Variants in P4HA1 observed in about 807,000 individuals in gnomAD.
P4HA1 encodes prolyl 4-hydroxylase subunit alpha 1, also known as prolyl 4-hydroxylase subunit alpha-1.
A neutral mutation model predicts 72.8 loss-of-function variants in P4HA1; 24 were observed. That is an observed-to-expected ratio of 0.33 (90% CI 0.24 to 0.46). The LOEUF (loss-of-function observed/expected upper bound fraction) is 0.46, where lower values mean the gene tolerates loss of function less well. Ranked by LOEUF, P4HA1 falls within the 20% of genes least tolerant of loss-of-function variation. The probability of loss-of-function intolerance (pLI) is 1.00; values close to 1 mark genes in which losing one functional copy is unlikely to be tolerated. For missense variants in P4HA1, 446 were observed against 640.6 expected (o/e 0.70, Z 3.28); for synonymous variants, 201 against 218.8 (o/e 0.92, Z 0.72).
chr10:73,091,546 G>C (rs1332401181), intron 1 of P4HA1, among the ~76,000 whole-genome samples: 1 of 152,220 alleles, frequency 6.6e-6, no homozygotes, highest in Admixed American at 6.5e-5. Flanking sequence ...AACTGTAAGA[G>C]AAGTCTTGAG....
At chr10:73,029,747 T>C (rs549792915) in intron 10 of P4HA1, among the ~76,000 whole-genome samples, 1 of 152,202 alleles carries the variant, frequency 6.6e-6, no homozygotes, top group East Asian at 1.9e-4. Context: ...TACAGATATT[T>C]TGAGTCAAGT....
At chr10:73,043,856 A>G (rs775817517) in intron 9 of P4HA1, 1 of 1,484,660 alleles carries the variant, frequency 6.7e-7, no homozygotes, top group Non-Finnish European at 9.4e-7. Flanking sequence ...TGGTCCAAAT[A>G]TGACTAAAGT....
intron 9 of P4HA1, among the ~76,000 whole-genome samples, chr10:73,039,199 A>G (rs1213026834): frequency 1.3e-5 from 2 of 151,916 alleles, no homozygotes; most frequent in African/African-American, 4.8e-5. Flanking sequence ...TAGGAAGATC[A>G]CTTCTGCCCA....
chr10:73,020,493 T>C (rs899179888), intron 10 of P4HA1, among the ~76,000 whole-genome samples: 1 of 152,130 alleles, frequency 6.6e-6, no homozygotes, highest in African/African-American at 2.4e-5. Context: ...TTACCAGACA[T>C]ACAAAGAGCT....
intron 3 of P4HA1, 87 bp from the exon 4 acceptor site, chr10:73,072,267 G>T (rs1173373190): frequency 1.8e-6 from 2 of 1,097,126 alleles, no homozygotes; most frequent in East Asian, 2.4e-5. Context: ...AAAATGACTA[G>T]AAGTTTTTGA....
chr10:73,059,418 TATATTTAAAAAAAAAAAAAAAA>T (rs1361149863), intron 5 of P4HA1, among the ~76,000 whole-genome samples: 1 of 38,202 alleles, frequency 2.6e-5, no homozygotes, highest in African/African-American at 1.1e-4. Context: ...AATGAGACAA[TATATTTAAAAAAAAAAAAAAAA>T]AAAAAAAAAA....
At chr10:73,080,591 A>ATGT (rs1397835885) in intron 1 of P4HA1, among the ~76,000 whole-genome samples, 1 of 152,244 alleles carries the variant, frequency 6.6e-6, no homozygotes, top group Non-Finnish European at 1.5e-5. Flanking sequence ...TTTAAGTGAC[A>ATGT]TGTTAATAGC....
In P4HA1 at chr10:73,040,601, G is replaced by A. The variant is rs552464655; in HGVS notation, c.1148+4380C>T. 1.9e-3 allele frequency among the ~76,000 whole-genome samples: 286 copies of A among 150,872 alleles called. 2 individuals are homozygous for A. Among genetic ancestry groups the A allele is most frequent in the Admixed American group, 3.9e-3 (58 of 15,058 alleles). The stretch of plus-strand genomic sequence containing the variant: ...AGCCATTCTCCTGCCTCAGCCTCCC[G>A]AGTAGCTGGGATTACAGGCGCGCCA... On this transcript the variant is annotated intron_variant, in intron 9 of 14. Transcript: ENST00000394890.
intron 12 of P4HA1, among the ~76,000 whole-genome samples, chr10:73,011,568 G>A (rs1839909710): frequency 2.6e-5 from 4 of 151,952 alleles, no homozygotes; most frequent in Admixed American, 2.6e-4. Flanking sequence ...ATAAAAGTGA[G>A]AAAGTTAAAG....
At chr10:73,078,768 C>T (rs1432045900) in intron 1 of P4HA1, among the ~76,000 whole-genome samples, 3 of 151,876 alleles carry the variant, frequency 2.0e-5, no homozygotes, top group East Asian at 3.9e-4. Context: ...CCTGCCAACA[C>T]GCCCAGCTAA....
chr10:73,011,836 G>A, intron 12 of P4HA1, among the ~76,000 whole-genome samples: 1 of 151,802 alleles, frequency 6.6e-6, no homozygotes, highest in Admixed American at 6.6e-5. Flanking sequence ...TGCTATCCAA[G>A]GAAAACAGGA....
intron 1 of P4HA1, among the ~76,000 whole-genome samples, chr10:73,076,096 A>C (rs148448483): frequency 1.9e-3 from 296 of 152,254 alleles, no homozygotes; most frequent in African/African-American, 6.7e-3. Context: ...AATAAATAAA[A>C]TAAAATTGAC....
chr10:73,047,549 CAAAAAAA>C (rs1167975608), intron 7 of P4HA1, among the ~76,000 whole-genome samples: 682 of 59,126 alleles, frequency 0.012, 6 homozygotes, highest in East Asian at 0.032. Flanking sequence ...ATGCTTGTGG[CAAAAAAA>C]AAAAAAAAAA....
chr10:73,096,286 A>T (rs904112028), intron 1 of P4HA1, among the ~76,000 whole-genome samples: 1 of 152,158 alleles, frequency 6.6e-6, no homozygotes, highest in African/African-American at 2.4e-5. Context: ...CGCGCTGCGG[A>T]TCCAGCTCCA....
rs1841547380 is a variant in P4HA1 at position 73,071,020 on chromosome 10, A to T, written c.325+1009T>A. Among the ~76,000 whole-genome samples, 4 of 152,046 alleles carry T rather than the reference A, an allele frequency of 2.6e-5. No individual in the cohort carries two copies. The South Asian group carries it at 8.3e-4, about 32-fold the overall frequency. On this transcript the variant is annotated intron_variant, in intron 4 of 14. Transcript: ENST00000394890. ...AACATAGCAAGACCTTGTTTCTAAG[A>T]AAGAAAAATTTTTAAATTGGCCTGG... is the stretch of plus-strand genomic sequence containing the variant.
chr10:73,066,628 C>T (rs181997921), intron 5 of P4HA1, among the ~76,000 whole-genome samples: 35 of 152,150 alleles, frequency 2.3e-4, no homozygotes, highest in Non-Finnish European at 4.4e-4. Context: ...AGTGATCCTC[C>T]CGTGATATGG....
chr10:73,087,988 C>G (rs2133163358), intron 1 of P4HA1, among the ~76,000 whole-genome samples: 1 of 152,132 alleles, frequency 6.6e-6, no homozygotes, highest in Admixed American at 6.5e-5. Flanking sequence ...TCTGCCTGAC[C>G]CATGGTCAAA....
Position 73,046,815 on chromosome 10 carries a change from T to C in P4HA1, c.1077+110A>G, listed in dbSNP as rs552891476. The C allele has an allele frequency of 1.8e-5, 15 of 830,536 alleles. No individual in the cohort carries two copies. The East Asian group carries it at 3.7e-4, about 21-fold the overall frequency. The allele number at this position is 830,536 out of a possible 1,614,324, so 51.4% of individuals were successfully genotyped here. A position where few individuals can be genotyped will look rare whatever the true frequency, so the allele number is the denominator to read the frequency against. ...CTCCATTATGCTGAGGCAAAATATC[T>C]TTAAAAAATCTGTGGCATTATTCGT... On this transcript the variant is annotated intron_variant, in intron 8 of 14. Transcript: ENST00000394890.
chr10:73,069,167 A>T (rs1230914681), intron 4 of P4HA1, among the ~76,000 whole-genome samples, 184 bp from the exon 5 acceptor site: 3 of 152,230 alleles, frequency 2.0e-5, no homozygotes, highest in Non-Finnish European at 4.4e-5. Flanking sequence ...TAACTTGTTC[A>T]ATCTTCCAAA....
Sources: gnomAD v4.1 joint callset for allele counts (sites outside exome capture counted in the v4.1 genomes callset) on GRCh38, gnomAD v4.1.1 for gene constraint, MANE v1.5 for transcripts, NCBI Gene and HGNC (gene_info 2026-07-23, HGNC 2026-07-21) for gene names.